The following SOX5 variants were observed in gnomAD, a reference collection of about 807,000 sequenced individuals.
SOX5 encodes transcription factor SOX-5.
In SOX5, 9 loss-of-function variants were observed where a neutral mutation model predicts 92.0. That is an observed-to-expected ratio of 0.10 (90% confidence interval 0.06 to 0.17). The LOEUF (loss-of-function observed/expected upper bound fraction) is 0.17. Ranked by LOEUF, SOX5 falls within the 10% of genes least tolerant of loss-of-function variation. The pLI is 1.00. For missense variants in SOX5, 642 were observed against 944.5 expected (o/e 0.68, Z 4.20); for synonymous variants, 344 against 336.3 (o/e 1.02, Z -0.25).
At chr12:24,010,953 G>T (rs919027263) in intron 4 of SOX5, among the ~76,000 whole-genome samples, 51 of 150,754 alleles carry the variant, frequency 3.4e-4, no homozygotes, top group African/African-American at 1.1e-3. Flanking sequence ...AAAAAAAAAA[G>T]AATAATATTC....
At chr12:24,257,369 G>A (rs1941367733) in intron 3 of SOX5, among the ~76,000 whole-genome samples, 1 of 152,126 alleles carries the variant, frequency 6.6e-6, no homozygotes, top group Non-Finnish European at 1.5e-5. Flanking sequence ...AAAAATATGT[G>A]TATATTATGC....
intron 2 of SOX5, among the ~76,000 whole-genome samples, chr12:23,880,465 C>A (rs1293124356): frequency 6.6e-6 from 1 of 152,146 alleles, no homozygotes; most frequent in African/African-American, 2.4e-5. Flanking sequence ...AAAAAAAATT[C>A]TTACCATATT....
chr12:23,680,848 C>T (rs1484177910), intron 6 of SOX5, among the ~76,000 whole-genome samples: 1 of 151,940 alleles, frequency 6.6e-6, no homozygotes, highest in Admixed American at 6.6e-5. Flanking sequence ...AATAAACTGA[C>T]AAAAATATGT....
chr12:24,272,739 A>C (rs1444965617), intron 3 of SOX5, among the ~76,000 whole-genome samples: 11 of 152,150 alleles, frequency 7.2e-5, no homozygotes. Flanking sequence ...TACATGATTA[A>C]ATTTTTGTTT....
At chr12:23,925,787 A>G (rs1939780209) in intron 1 of SOX5, among the ~76,000 whole-genome samples, 1 of 152,136 alleles carries the variant, frequency 6.6e-6, no homozygotes, top group Non-Finnish European at 1.5e-5. Flanking sequence ...TTAGAAACAA[A>G]CTAACAAAAG....
At chr12:23,687,133 A>G (rs2087744909) in intron 6 of SOX5, among the ~76,000 whole-genome samples, 1 of 152,116 alleles carries the variant, frequency 6.6e-6, no homozygotes, top group South Asian at 2.1e-4. Flanking sequence ...CGTATTATAA[A>G]TATGCACTAG....
chr12:24,156,229 A>C (rs1433271108), intron 4 of SOX5, among the ~76,000 whole-genome samples: 1 of 152,158 alleles, frequency 6.6e-6, no homozygotes, highest in Non-Finnish European at 1.5e-5. Context: ...GCCTGAGATG[A>C]TAACAACCCA....
At chr12:24,466,258 T>C (rs1944225675) in intron 1 of SOX5, among the ~76,000 whole-genome samples, 1 of 151,786 alleles carries the variant, frequency 6.6e-6, no homozygotes, top group African/African-American at 2.4e-5. Context: ...TTTTTTTTTT[T>C]AAGAGACAGA....
At chr12:24,431,213 C>A (rs901536252) in intron 1 of SOX5, among the ~76,000 whole-genome samples, 1 of 151,996 alleles carries the variant, frequency 6.6e-6, no homozygotes, top group Non-Finnish European at 1.5e-5. Context: ...AGTGAGTAAG[C>A]GATAAAACTC....
chr12:23,674,781 A>C (rs2085388742), intron 6 of SOX5, among the ~76,000 whole-genome samples: 1 of 151,796 alleles, frequency 6.6e-6, no homozygotes. Context: ...ATATTTTTCA[A>C]AATTTCTCTA....
At chr12:24,470,911 G>A (rs1597058424) in intron 1 of SOX5, among the ~76,000 whole-genome samples, 1 of 152,126 alleles carries the variant, frequency 6.6e-6, no homozygotes, top group Admixed American at 6.5e-5. Flanking sequence ...ACAGAATACT[G>A]CCTGGAATAC....
chr12:23,600,960 C>T (rs911106432), intron 9 of SOX5, among the ~76,000 whole-genome samples: 7 of 152,070 alleles, frequency 4.6e-5, no homozygotes, highest in Non-Finnish European at 8.8e-5. Context: ...GTCTGTCATA[C>T]GCCATTACCA....
chr12:24,514,172 C>T lies in SOX5; in HGVS notation c.-251+48157G>A, dbSNP rs575461759. Among the ~76,000 whole-genome samples the T allele has an allele frequency of 9.2e-5, 14 of 152,338 alleles. 1 individual carries two copies. Among genetic ancestry groups the T allele is most frequent in the African/African-American group, 3.4e-4 (14 of 41,572 alleles). On this transcript the variant is annotated intron_variant, in intron 1 of 4. Transcript: ENST00000446891. The stretch of plus-strand genomic sequence containing the variant: ...GCATCATCAAATCACTGGCTTGTTA[C>T]ATCTAAACTTCACCTTTTCTTCTTT...
intron 8 of SOX5, among the ~76,000 whole-genome samples, chr12:23,611,177 A>C (rs993600501): frequency 5.3e-5 from 8 of 151,994 alleles, no homozygotes; most frequent in Non-Finnish European, 1.0e-4. Context: ...CCTGGTAATC[A>C]CTATTCTACT....
At chr12:24,401,223 G>A (rs1220967962) in intron 1 of SOX5, among the ~76,000 whole-genome samples, 3 of 151,944 alleles carry the variant, frequency 2.0e-5, no homozygotes, top group Non-Finnish European at 4.4e-5. Context: ...CTGGTGGCGT[G>A]TGCCTGTAGT....
intron 3 of SOX5, among the ~76,000 whole-genome samples, chr12:24,272,853 A>C (rs969071888): frequency 5.9e-5 from 9 of 152,084 alleles, no homozygotes; most frequent in Non-Finnish European, 8.8e-5. Flanking sequence ...TATTCTCATC[A>C]GCTTTGGTAT....
chr12:23,889,803 T>C (rs921145952), intron 2 of SOX5, among the ~76,000 whole-genome samples: 6 of 152,196 alleles, frequency 3.9e-5, no homozygotes, highest in Admixed American at 3.3e-4. Context: ...TGTTTAAGCA[T>C]ATTAACATTA....
intron 1 of SOX5, among the ~76,000 whole-genome samples, chr12:24,463,397 T>C (rs1943866156): frequency 3.9e-5 from 6 of 152,168 alleles, no homozygotes. Context: ...CCTTGGATGC[T>C]CACAAATCAC....
intron 4 of SOX5, among the ~76,000 whole-genome samples, chr12:24,053,133 A>T (rs968134461): frequency 6.6e-6 from 1 of 151,582 alleles, no homozygotes; most frequent in African/African-American, 2.4e-5. Flanking sequence ...GGTATCCTGT[A>T]ATGTTACACC....
Sources: gnomAD v4.1 joint callset for allele counts (sites outside exome capture counted in the v4.1 genomes callset) on GRCh38, gnomAD v4.1.1 for gene constraint, MANE v1.5 for transcripts, NCBI Gene and HGNC (gene_info 2026-07-23, HGNC 2026-07-21) for gene names.